The following PCYT1A variants were observed in gnomAD, a reference collection of about 807,000 sequenced individuals.
PCYT1A encodes phosphate cytidylyltransferase 1A, choline.
A neutral mutation model predicts 43.7 loss-of-function variants in PCYT1A; 25 were observed. The ratio of observed to expected loss-of-function variants is 0.57; its 90% CI spans 0.42 to 0.80. The LOEUF is 0.80. Ranked by LOEUF, PCYT1A falls within the 30% of genes least tolerant of loss-of-function variation. The pLI, the probability that PCYT1A is intolerant of heterozygous loss-of-function variation, is 0.00. For missense variants in PCYT1A, 421 were observed against 474.2 expected (o/e 0.89, Z 1.04); for synonymous variants, 172 against 170.7 (o/e 1.01, Z -0.06).
intron 2 of PCYT1A, among the ~76,000 whole-genome samples, chr3:196,266,647 C>T (rs1388118080): frequency 2.6e-5 from 4 of 151,728 alleles, no homozygotes; most frequent in South Asian, 2.1e-4. Context: ...CCCAGCACTT[C>T]GGGAGGTTGA....
At chr3:196,264,764 G>A (rs1038205806) in intron 2 of PCYT1A, among the ~76,000 whole-genome samples, 5 of 151,850 alleles carry the variant, frequency 3.3e-5, no homozygotes, top group African/African-American at 1.2e-4. Flanking sequence ...CGTCTATTTG[G>A]CACTTTTCAT....
In PCYT1A at chr3:196,238,008, C is replaced by T. The variant is rs1724220273; in HGVS notation, c.*680G>A. ...TGATGCCATGGGTCTGCTTCCATCC[C>T]CATCAGTGTCTTCATGGACCCCATT... On this transcript the variant is annotated 3_prime_UTR_variant, in exon 9 of 9. Transcript: ENST00000431016. 1 of 152,204 alleles carries T rather than the reference C, an allele frequency of 6.6e-6. No individual in the cohort carries two copies. Among genetic ancestry groups the T allele is most frequent in the South Asian group, 2.1e-4 (1 of 4,828 alleles). The allele number at this position is 152,204 out of a possible 1,614,324, so 9.4% of individuals were successfully genotyped here.
intron 1 of PCYT1A, among the ~76,000 whole-genome samples, chr3:196,285,845 C>T (rs959807347): frequency 2.0e-5 from 3 of 152,094 alleles, no homozygotes; most frequent in African/African-American, 7.2e-5. Flanking sequence ...CTGTACTTGC[C>T]AAATCACTAA....
At chr3:196,267,119 C>G (rs1366076511) in intron 2 of PCYT1A, among the ~76,000 whole-genome samples, 1 of 145,758 alleles carries the variant, frequency 6.9e-6, no homozygotes, top group African/African-American at 2.6e-5. Context: ...GCGGAGGTTG[C>G]AGTGAGCCGA....
At position 196,243,586 on chromosome 3, in the gene PCYT1A, G is replaced by C. The variant is rs535277220; in HGVS notation, c.487-946C>G. 4.4e-4 allele frequency among the ~76,000 whole-genome samples: 67 copies of C among 151,948 alleles called. No homozygotes were observed. In the East Asian group the frequency reaches 0.011, roughly 26 times the overall value. The stretch of plus-strand genomic sequence containing the variant: ...CTATGGTCTCCCTCTGATGCCGAGC[G>C]GAAGCTGGACTGTACTGCCGCCATC... On this transcript the variant is annotated intron_variant, in intron 5 of 8. Coordinates refer to ENST00000431016, the MANE Select transcript of PCYT1A (RefSeq NM_001312673.2).
At chr3:196,258,866 C>T (rs1260399798) in intron 2 of PCYT1A, among the ~76,000 whole-genome samples, 130 of 152,138 alleles carry the variant, frequency 8.5e-4, no homozygotes, top group Non-Finnish European at 7.3e-5. Flanking sequence ...GGATTACAGG[C>T]GTGAGCCACC....
At chr3:196,261,118 T>G (rs536371812) in intron 2 of PCYT1A, among the ~76,000 whole-genome samples, 49 of 152,302 alleles carry the variant, frequency 3.2e-4, no homozygotes, top group African/African-American at 1.1e-3. Flanking sequence ...TTACATTAGA[T>G]GTTCAGACTA....
chr3:196,274,582 C>A (rs561486972), intron 1 of PCYT1A, among the ~76,000 whole-genome samples: 1 of 152,320 alleles, frequency 6.6e-6, no homozygotes, highest in South Asian at 2.1e-4. Flanking sequence ...GCACAAGATA[C>A]GGTTCAGAGA....
In PCYT1A at chr3:196,242,030, A is replaced by G; in HGVS notation, c.626T>C (p.Ile209Thr). Residue 209 changes from isoleucine (I) to threonine (T), a missense_variant, in exon 7 of 9, where the codon ATT becomes ACT. By Grantham distance (89) the Ile-to-Thr change is moderately conservative (BLOSUM62 -1). Transcript: ENST00000431016. This position sits in a 1 kb window ranked among gnomAD's most constrained non-coding sequence, Gnocchi z 4.2. ...CGCATACACATCATAATCCCGCACA[A>G]TTCGGGTGATGATGTCTGATGTGGA... ...GISTSDIITR[I>T]VRDYDVYARR... The G allele has an allele frequency of 6.2e-7, 1 of 1,614,088 alleles. No individual in the cohort carries two copies. Among genetic ancestry groups the G allele is most frequent in the South Asian group, 1.1e-5 (1 of 91,086 alleles).
chr3:196,282,697 G>A lies in PCYT1A; in HGVS notation c.-11+4918C>T, dbSNP rs1367999348. The stretch of plus-strand genomic sequence containing the variant: ...CATATTCCAAAAAGGAACTCTAAAA[G>A]CTTTCACCACACTGCCAAAGGAGTC... On this transcript the variant is annotated intron_variant, in intron 1 of 8. Coordinates refer to ENST00000431016, the MANE Select transcript of PCYT1A (RefSeq NM_001312673.2). The surrounding 1 kb of genome is among the most constrained non-coding windows in gnomAD (Gnocchi z 4.3). 1.3e-5 allele frequency among the ~76,000 whole-genome samples: 2 copies of A among 151,994 alleles called. No homozygotes were observed. The highest frequency in any genetic ancestry group is 4.8e-5 in the African/African-American group (2 of 41,384).
Position 196,242,798 on chromosome 3 carries a change from A to C in PCYT1A, c.487-158T>G. 1 of 634,922 alleles carries C rather than the reference A, an allele frequency of 1.6e-6. No homozygotes were observed. The highest frequency in any genetic ancestry group is 2.9e-6 in the Non-Finnish European group (1 of 348,802). 39.3% of individuals were successfully genotyped at this position (634,922 alleles called of 1,614,324 possible). On this transcript the variant is annotated intron_variant, in intron 5 of 8. Transcript: ENST00000431016. The surrounding 1 kb of genome is among the most constrained non-coding windows in gnomAD (Gnocchi z 4.2). ...TGCTCATAAATTCTACAATCTATTCACAAACCACCCAACCTAATGATTTAT... is the reference window on the plus strand; with the variant it reads ...TGCTCATAAATTCTACAATCTATTCCCAAACCACCCAACCTAATGATTTAT...
rs199851752 is a variant in PCYT1A at position 196,272,188 on chromosome 3, C to CTTT, written c.-10-1650_-10-1648dup. Among the ~76,000 whole-genome samples, 753 of 110,062 alleles carry CTTT rather than the reference C, an allele frequency of 6.8e-3. 24 individuals are homozygous for CTTT. Among genetic ancestry groups the CTTT allele is most frequent in the African/African-American group, 0.027 (716 of 27,014 alleles). The allele number at this position is 110,062 out of a possible 152,430, so 72.2% of individuals were successfully genotyped here. On this transcript the variant is annotated intron_variant, in intron 1 of 8. Coordinates refer to ENST00000431016, the MANE Select transcript of PCYT1A (RefSeq NM_001312673.2). ...TTTTAAATGTCCTTCTCCTTCTTTC[C>CTTT]TTTTTTTTTTTTTTGAGAAAGAGTC...
chr3:196,249,998 G>A (rs67723323), intron 3 of PCYT1A, among the ~76,000 whole-genome samples: 61,864 of 130,788 alleles, frequency 0.47, 15,653 homozygotes, highest in East Asian at 0.89. Flanking sequence ...TGAGGATCAG[G>A]TACACCATGC....
intron 2 of PCYT1A, among the ~76,000 whole-genome samples, chr3:196,263,496 C>CATG (rs1418596656): frequency 6.6e-6 from 1 of 152,154 alleles, no homozygotes; most frequent in Non-Finnish European, 1.5e-5. Context: ...GGATTTTAGG[C>CATG]ATGAGCCACT....
intron 1 of PCYT1A, among the ~76,000 whole-genome samples, chr3:196,280,576 T>TG (rs1300370800): frequency 3.0e-4 from 44 of 147,906 alleles, no homozygotes; most frequent in African/African-American, 9.4e-4. Context: ...TATTGTTTTT[T>TG]TTTTTTTTTT....
rs397723929 is a variant in PCYT1A at position 196,279,826 on chromosome 3, CTTTTT to C, written c.-11+7784_-11+7788del. Reference sequence around the variant, plus strand: ...TTTAGGGACTCCTATCCAGTCCTTTCTTTTTTTTTTTTTTTTTTTTTTTTTGAGAC... The same window carrying C: ...TTTAGGGACTCCTATCCAGTCCTTTCTTTTTTTTTTTTTTTTTTTTGAGAC... On this transcript the variant is annotated intron_variant, in intron 1 of 8. Coordinates refer to ENST00000431016, the MANE Select transcript of PCYT1A (RefSeq NM_001312673.2). Among the ~76,000 whole-genome samples the C allele has an allele frequency of 9.8e-5, 5 of 50,926 alleles. 1 individual carries two copies. The highest frequency in any genetic ancestry group is 5.8e-4 in the Admixed American group (2 of 3,454). The allele number at this position is 50,926 out of a possible 152,430, so 33.4% of individuals were successfully genotyped here.
Position 196,273,040 on chromosome 3 carries a change from C to T in PCYT1A, c.-10-2499G>A, listed in dbSNP as rs1276403379. ...TGCACAGGCGAGCCAGCACAGGGTC[C>T]GGCCACTGCGCACAGCCAGGCACGC... On this transcript the variant is annotated intron_variant, in intron 1 of 8. Coordinates refer to ENST00000431016, the MANE Select transcript of PCYT1A (RefSeq NM_001312673.2). This position sits in a 1 kb window ranked among gnomAD's most constrained non-coding sequence, Gnocchi z 4.1. Among the ~76,000 whole-genome samples, 2 of 152,212 alleles carry T rather than the reference C, an allele frequency of 1.3e-5. No individual in the cohort carries two copies. The highest frequency in any genetic ancestry group is 1.9e-4 in the East Asian group (1 of 5,186).
intron 7 of PCYT1A, chr3:196,241,532 G>T (rs760527029): frequency 9.3e-6 from 12 of 1,291,026 alleles, no homozygotes; most frequent in Admixed American, 4.6e-5. Flanking sequence ...CTTAACTTTC[G>T]TCAATCCAAA....
intron 2 of PCYT1A, among the ~76,000 whole-genome samples, chr3:196,261,588 G>T (rs1176703021): frequency 6.6e-6 from 1 of 152,074 alleles, no homozygotes; most frequent in East Asian, 1.9e-4. Context: ...TCGGGAGTTC[G>T]AGACCAGCCT....
Sources: allele counts gnomAD v4.1 joint callset (sites outside exome capture counted in the v4.1 genomes callset), GRCh38; gene constraint gnomAD v4.1.1; non-coding constraint Gnocchi (gnomAD v3.1); transcripts MANE v1.5; gene names NCBI Gene and HGNC (gene_info 2026-07-23, HGNC 2026-07-21).